FBXO8: variants seen among roughly 807,000 people sequenced by gnomAD.
FBXO8 encodes F-box only protein 8.
In FBXO8, 15 loss-of-function variants were observed where a neutral mutation model predicts 33.4. The ratio of observed to expected loss-of-function variants is 0.45; its 90% CI spans 0.30 to 0.69. The LOEUF is 0.69. Among genes scored for constraint, FBXO8 ranks in the 30% least tolerant of loss-of-function variants. The pLI, the probability that FBXO8 is intolerant of heterozygous loss-of-function variation, is 0.08. For missense variants in FBXO8, 274 were observed against 380.3 expected, an observed-to-expected ratio of 0.72 and a Z score of 2.32; for synonymous variants, 132 against 131.5, an observed-to-expected ratio of 1.00 and a Z score of -0.02.
rs549140025 is a variant in FBXO8 at position 174,270,805 on chromosome 4, G to A, written c.-8-7705C>T. On this transcript the variant is annotated intron_variant, in intron 1 of 5. Transcript: ENST00000393674. The surrounding 1 kb of genome is among the most constrained non-coding windows in gnomAD (Gnocchi z 4.6). ...TAATTTTTGTATTTTTAGTAGAGAC[G>A]GAGTTTCACCATGTTGGCCAGGATG... is the stretch of plus-strand genomic sequence containing the variant. Among the ~76,000 whole-genome samples, 26 of 152,022 alleles carry A rather than the reference G, an allele frequency of 1.7e-4. No homozygotes were observed. In the South Asian group the frequency reaches 4.8e-3, roughly 28 times the overall value.
rs1736300117 is a variant in FBXO8 at position 174,252,109 on chromosome 4, C to T, written c.456+7590G>A. On this transcript the variant is annotated intron_variant, in intron 3 of 5. Coordinates refer to ENST00000393674, the MANE Select transcript of FBXO8 (RefSeq NM_012180.3). The surrounding 1 kb of genome is among the most constrained non-coding windows in gnomAD (Gnocchi z 5.1). ...TCAGCCCCCTAAGTAGCTGCGACTC[C>T]AGACACATGCTATCATACCCGGTTA... Among the ~76,000 whole-genome samples, 1 of 152,068 alleles carries T rather than the reference C, an allele frequency of 6.6e-6. No homozygotes were observed. Among genetic ancestry groups the T allele is most frequent in the South Asian group, 2.1e-4 (1 of 4,814 alleles).
intron 4 of FBXO8, 94 bp from the exon 5 acceptor site, chr4:174,239,284 A>G (rs564985160): frequency 1.4e-6 from 1 of 739,292 alleles, no homozygotes; most frequent in East Asian, 2.9e-5. Context: ...TGGATAAAAT[A>G]CCTTATTACT....
rs1736178867 is a variant in FBXO8, at chr4:174,247,162, T to G, written c.457-5944A>C. On this transcript the variant is annotated intron_variant, in intron 3 of 5. Coordinates refer to ENST00000393674, the MANE Select transcript of FBXO8 (RefSeq NM_012180.3). This position sits in a 1 kb window ranked among gnomAD's most constrained non-coding sequence, Gnocchi z 4.6. ...CAAATGAAAAAGTACTGATAATTGG[T>G]ACTGAAAGTACTGTCTACTGCCACA... Among the ~76,000 whole-genome samples, 1 of 152,076 alleles carries G rather than the reference T, an allele frequency of 6.6e-6. No homozygotes were observed. Among genetic ancestry groups the G allele is most frequent in the African/African-American group, 2.4e-5 (1 of 41,436 alleles).
rs1736852635 is a variant in FBXO8 at position 174,272,185 on chromosome 4, G to C, written c.-8-9085C>G. Among the ~76,000 whole-genome samples, 2 of 152,222 alleles carry C rather than the reference G, an allele frequency of 1.3e-5. No homozygotes were observed. The highest frequency in any genetic ancestry group is 1.3e-4 in the Admixed American group (2 of 15,282). On this transcript the variant is annotated intron_variant, in intron 1 of 5. Transcript: ENST00000393674. This position sits in a 1 kb window ranked among gnomAD's most constrained non-coding sequence, Gnocchi z 4.7. ...CTGGAACATCAAAATAAAAATGACA[G>C]TAATGAATTAATTGCTCCTTAGTAT...
chr4:174,281,409 G>A lies in FBXO8; in HGVS notation c.-9+2001C>T, dbSNP rs1327369015. Among the ~76,000 whole-genome samples, 1 of 152,166 alleles carries A rather than the reference G, an allele frequency of 6.6e-6. No homozygotes were observed. Among genetic ancestry groups the A allele is most frequent in the African/African-American group, 2.4e-5 (1 of 41,424 alleles). On this transcript the variant is annotated intron_variant, in intron 1 of 5. Coordinates refer to ENST00000393674, the MANE Select transcript of FBXO8 (RefSeq NM_012180.3). The surrounding 1 kb of genome is among the most constrained non-coding windows in gnomAD (Gnocchi z 4.6). ...TATTTTTATCTTATATTGCTATAAA[G>A]TACTTGCACCAGCACAGTGGCTCAC...
Position 174,274,954 on chromosome 4 carries a change from C to T in FBXO8, c.-9+8456G>A, listed in dbSNP as rs1348495049. On this transcript the variant is annotated intron_variant, in intron 1 of 5. Transcript: ENST00000393674. The surrounding 1 kb of genome is among the most constrained non-coding windows in gnomAD (Gnocchi z 4.0). ...CATGAAAGTAAAAATTGATCGAATT[C>T]ATCAAAATAAAAAATTTTTGCTCTT... is the stretch of plus-strand genomic sequence containing the variant. Among the ~76,000 whole-genome samples, 1 of 152,058 alleles carries T rather than the reference C, an allele frequency of 6.6e-6. No individual in the cohort carries two copies. The highest frequency in any genetic ancestry group is 1.5e-5 in the Non-Finnish European group (1 of 68,016).
chr4:174,259,889 G>T lies in FBXO8; in HGVS notation c.330-64C>A, dbSNP rs1736510057. 1.5e-6 allele frequency: 2 copies of T among 1,371,378 alleles called. No homozygotes were observed. Among genetic ancestry groups the T allele is most frequent in the Non-Finnish European group, 2.0e-6 (2 of 1,015,512 alleles). 85.0% of individuals were successfully genotyped at this position (1,371,378 alleles called of 1,614,324 possible). ...ACATTTAATTTCCTAAGTTAAATAT[G>T]CATATACATGCAAAAATAGTAACAT... On this transcript the variant is annotated intron_variant, in intron 2 of 5. Coordinates refer to ENST00000393674, the MANE Select transcript of FBXO8 (RefSeq NM_012180.3). The surrounding 1 kb of genome is among the most constrained non-coding windows in gnomAD (Gnocchi z 4.3).
chr4:174,238,978 A>C lies in FBXO8; in HGVS notation c.772+16T>G, dbSNP rs1390065682. 5 of 1,440,064 alleles carry C rather than the reference A, an allele frequency of 3.5e-6. No homozygotes were observed. Among genetic ancestry groups the C allele is most frequent in the Non-Finnish European group, 4.6e-6 (5 of 1,080,518 alleles). The allele number at this position is 1,440,064 out of a possible 1,614,324, so 89.2% of individuals were successfully genotyped here. ...ATGGGCAGGGGGTGATGTACTATTA[A>C]TATATATATTCTTACCAGGACTAAG... On this transcript the variant is annotated intron_variant, in intron 5 of 5. Transcript: ENST00000393674.
chr4:174,259,779 GGTT>G lies in FBXO8; in HGVS notation c.373_375del (p.Asn125del), dbSNP rs758187360. The G allele has an allele frequency of 6.2e-7, 1 of 1,611,498 alleles. No homozygotes were observed. The highest frequency in any genetic ancestry group is 1.1e-5 in the South Asian group (1 of 90,774). ...TTTCTAAAAGAAAATCCTAAAGGTGGGTTCTTATTGTATATGGAACAGTGACCC... is the reference window on the plus strand; with the variant it reads ...TTTCTAAAAGAAAATCCTAAAGGTGGCTTATTGTATATGGAACAGTGACCC... On this transcript the variant is annotated inframe_deletion, in exon 3 of 6. Transcript: ENST00000393674. This position sits in a 1 kb window ranked among gnomAD's most constrained non-coding sequence, Gnocchi z 4.3.
rs187459361 is a variant in FBXO8 at position 174,270,120 on chromosome 4, G to A, written c.-8-7020C>T. Among the ~76,000 whole-genome samples, 120 of 152,324 alleles carry A rather than the reference G, an allele frequency of 7.9e-4. 1 individual carries two copies. Among genetic ancestry groups the A allele is most frequent in the African/African-American group, 2.9e-3 (119 of 41,572 alleles). ...GAATGTGGACTGGCAACCAAACTGT[G>A]CGACCTTGAACACTCAGTGGTATTG... On this transcript the variant is annotated intron_variant, in intron 1 of 5. Transcript: ENST00000393674. This position sits in a 1 kb window ranked among gnomAD's most constrained non-coding sequence, Gnocchi z 4.6.
At chr4:174,239,657 TTG>T (rs1206400166) in intron 4 of FBXO8, among the ~76,000 whole-genome samples, 1 of 151,870 alleles carries the variant, frequency 6.6e-6, no homozygotes, top group African/African-American at 2.4e-5. Context: ...GTTTTATAAT[TTG>T]TTTTTGCTTT....
chr4:174,269,018 T>A (rs1446155938), intron 1 of FBXO8: 1 of 152,230 alleles, frequency 6.6e-6, no homozygotes, highest in Non-Finnish European at 1.5e-5. Context: ...ATAATGAAGA[T>A]CAACTGTAAT....
At position 174,274,864 on chromosome 4, in the gene FBXO8, T is replaced by C. The variant is rs1736923822; in HGVS notation, c.-9+8546A>G. 6.6e-6 allele frequency among the ~76,000 whole-genome samples: 1 copy of C among 152,130 alleles called. No individual in the cohort carries two copies. The highest frequency in any genetic ancestry group is 1.5e-5 in the Non-Finnish European group (1 of 68,016). ...ACTATAAAAATTTTAGAAAAATACA[T>C]AGAAGGAAATCTTTGGGGTCTAAGG... On this transcript the variant is annotated intron_variant, in intron 1 of 5. Coordinates refer to ENST00000393674, the MANE Select transcript of FBXO8 (RefSeq NM_012180.3). This position sits in a 1 kb window ranked among gnomAD's most constrained non-coding sequence, Gnocchi z 4.0.
rs1736669586 is a variant in FBXO8, at chr4:174,265,326, T to TA, written c.-8-2227dup. Among the ~76,000 whole-genome samples the TA allele has an allele frequency of 1.2e-5, 1 of 82,672 alleles. No individual in the cohort carries two copies. The highest frequency in any genetic ancestry group is 4.0e-4 in the South Asian group (1 of 2,494). 54.2% of individuals were successfully genotyped at this position (82,672 alleles called of 152,430 possible). On this transcript the variant is annotated intron_variant, in intron 1 of 5. Transcript: ENST00000393674. This position sits in a 1 kb window ranked among gnomAD's most constrained non-coding sequence, Gnocchi z 4.7. ...AAAGCTTTTTATTTAGGTATTTACCTAATTAAAAGCTTTTTATTTAGGTAT... is the reference window on the plus strand; with the variant it reads ...AAAGCTTTTTATTTAGGTATTTACCTAAATTAAAAGCTTTTTATTTAGGTAT...
Position 174,263,491 on chromosome 4 carries a change from C to T in FBXO8, c.-8-391G>A, listed in dbSNP as rs555335751. ...CAGAGCACGGACTTTAGTTAAAAGG[C>T]CTCCAGACCCTGCTTTTTATCACAA... On this transcript the variant is annotated intron_variant, in intron 1 of 5. Transcript: ENST00000393674. This position sits in a 1 kb window ranked among gnomAD's most constrained non-coding sequence, Gnocchi z 4.2. 2.0e-5 allele frequency among the ~76,000 whole-genome samples: 3 copies of T among 152,142 alleles called. No individual in the cohort carries two copies. Among genetic ancestry groups the T allele is most frequent in the Non-Finnish European group, 4.4e-5 (3 of 68,024 alleles).
At chr4:174,240,863 T>C (rs1736018954) in intron 4 of FBXO8, among the ~76,000 whole-genome samples, 1 of 151,704 alleles carries the variant, frequency 6.6e-6, no homozygotes, top group Non-Finnish European at 1.5e-5. Flanking sequence ...TACAAAGACG[T>C]TGGGCTTCCA....
In FBXO8 at chr4:174,238,772, T is replaced by TACAC. The variant is rs10601617; in HGVS notation, c.772+218_772+221dup. Among the ~76,000 whole-genome samples the TACAC allele has an allele frequency of 5.6e-3, 822 of 145,938 alleles. 6 individuals are homozygous for TACAC. The highest frequency in any genetic ancestry group is 0.019 in the African/African-American group (769 of 39,874). On this transcript the variant is annotated intron_variant, in intron 5 of 5. Transcript: ENST00000393674. ...ATACATAGCCATGTATATATATATATACACACACACACACACACACACGCA... is the reference window on the plus strand; with the variant it reads ...ATACATAGCCATGTATATATATATATACACACACACACACACACACACACACGCA...
At position 174,272,666 on chromosome 4, in the gene FBXO8, C is replaced by G. The variant is rs554517679; in HGVS notation, c.-8-9566G>C. 2.8e-4 allele frequency among the ~76,000 whole-genome samples: 42 copies of G among 152,126 alleles called. No homozygotes were observed. The highest frequency in any genetic ancestry group is 8.9e-4 in the African/African-American group (37 of 41,508). On this transcript the variant is annotated intron_variant, in intron 1 of 5. Coordinates refer to ENST00000393674, the MANE Select transcript of FBXO8 (RefSeq NM_012180.3). The surrounding 1 kb of genome is among the most constrained non-coding windows in gnomAD (Gnocchi z 4.7). ...GTTAGAAAAATTATCATTTTACCAT[C>G]AGAGAAAAAATAATTTAGGCAAGAA...
intron 1 of FBXO8, among the ~76,000 whole-genome samples, chr4:174,279,391 G>A (rs1178613670): frequency 6.6e-6 from 1 of 152,006 alleles, no homozygotes. Context: ...TACATCCTGT[G>A]GTTACAGATT....
Sources: gnomAD v4.1 joint callset for allele counts (sites outside exome capture counted in the v4.1 genomes callset) on GRCh38, gnomAD v4.1.1 for gene constraint, Gnocchi (gnomAD v3.1) non-coding constraint, MANE v1.5 for transcripts, NCBI Gene and HGNC (gene_info 2026-07-23, HGNC 2026-07-21) for gene names.